The following WDFY3 variants were observed in gnomAD, a reference collection of about 807,000 sequenced individuals.
WDFY3 encodes the protein WD repeat and FYVE domain containing 3.
In WDFY3, 66 loss-of-function variants were observed where a neutral mutation model predicts 409.6. The observed-to-expected ratio is 0.16, with a 90% CI of 0.13 to 0.20. The LOEUF (loss-of-function observed/expected upper bound fraction) is 0.20. Among genes scored for constraint, WDFY3 ranks in the 10% least tolerant of loss-of-function variants. The pLI, the probability that WDFY3 is intolerant of heterozygous loss-of-function variation, is 1.00. For synonymous variants in WDFY3, 1,521 were observed against 1,537.1 expected (o/e 0.99, Z 0.25); for missense variants, 3,031 against 4,298.1 (o/e 0.71, Z 8.24).
Position 84,740,342 on chromosome 4 carries a change from G to C in WDFY3, c.6309C>G (p.Phe2103Leu). 6.2e-7 allele frequency: 1 copy of C among 1,614,056 alleles called. No homozygotes were observed. The highest frequency in any genetic ancestry group is 8.5e-7 in the Non-Finnish European group (1 of 1,180,010). Residue 2103 changes from phenylalanine to leucine, a missense_variant, in exon 39 of 68, where the codon TTC becomes TTG. By Grantham distance (22) the Phe-to-Leu change is conservative. Transcript: ENST00000295888. Reference sequence around the variant, plus strand: ...GAGGAACGGTTTTGTGTGCCCGTGAGAACTGGTACAAGATGGTCCTATTGA... The same window carrying C: ...GAGGAACGGTTTTGTGTGCCCGTGACAACTGGTACAAGATGGTCCTATTGA... ...HCLNRTILYQ[F>L]SRAHKTVPQQ... is the part of the protein sequence containing the mutation.
Position 84,881,868 on chromosome 4 carries a change from G to A in WDFY3, c.-32+15043C>T, listed in dbSNP as rs1032080414. ...TGTACTCCAGCCTGGGTGAGAGAAC[G>A]AGACCCTGTCTCCAAAAAAAAAAAA... On this transcript the variant is annotated intron_variant, in intron 3 of 67. Coordinates refer to ENST00000295888, the MANE Select transcript of WDFY3 (RefSeq NM_014991.6). Among the ~76,000 whole-genome samples, 10 of 150,400 alleles carry A rather than the reference G, an allele frequency of 6.6e-5. No homozygotes were observed. In the South Asian group the frequency reaches 1.0e-3, roughly 16 times the overall value.
chr4:84,686,743 T>C lies in WDFY3; in HGVS notation c.9543+1343A>G, dbSNP rs200426365. On this transcript the variant is annotated intron_variant, in intron 62 of 67. Coordinates refer to ENST00000295888, the MANE Select transcript of WDFY3 (RefSeq NM_014991.6). ...TGTCGACTCCCAAGACGGATTTGTA[T>C]ATGGGGCATCACCTACATGCTGACA... Among the ~76,000 whole-genome samples the C allele has an allele frequency of 7.2e-5, 11 of 152,294 alleles. No individual in the cohort carries two copies. The East Asian group carries it at 1.7e-3, about 24-fold the overall frequency.
chr4:84,705,298 G>T (rs916900171), intron 54 of WDFY3, 96 bp downstream of exon 54: 3 of 877,898 alleles, frequency 3.4e-6, no homozygotes, highest in Non-Finnish European at 5.5e-6. Flanking sequence ...TGATATATAA[G>T]CAATTTGAAG....
intron 2 of WDFY3, among the ~76,000 whole-genome samples, chr4:84,921,899 C>A (rs1769340786): frequency 6.6e-6 from 1 of 151,878 alleles, no homozygotes; most frequent in African/African-American, 2.4e-5. Context: ...TCGTGATCCA[C>A]CTGCCTTGGC....
intron 40 of WDFY3, among the ~76,000 whole-genome samples, chr4:84,738,719 A>G (rs1207982933): frequency 6.6e-6 from 1 of 152,156 alleles, no homozygotes; most frequent in Non-Finnish European, 1.5e-5. Flanking sequence ...ATCATTGGGC[A>G]GTTCTCTTTA....
intron 62 of WDFY3, chr4:84,687,671 C>G (rs1728557851): frequency 6.5e-6 from 1 of 153,036 alleles, no homozygotes; most frequent in Admixed American, 6.5e-5. Context: ...GAGTATCTAT[C>G]AACTTCAAAA....
rs562419035 is a variant in WDFY3, at chr4:84,768,026, T to A, written c.4850-1654A>T. ...GGAGCCCAGGAGGCCGAGGCTGCAG[T>A]GAGCCATGATTGTTCCACTGCACTC... On this transcript the variant is annotated intron_variant, in intron 30 of 67. Transcript: ENST00000295888. Among the ~76,000 whole-genome samples, 3 of 152,256 alleles carry A rather than the reference T, an allele frequency of 2.0e-5. No individual in the cohort carries two copies. In the South Asian group the frequency reaches 6.2e-4, roughly 32 times the overall value.
At chr4:84,766,447 A>C in intron 30 of WDFY3, 75 bp from the exon 31 acceptor site, 2 of 1,391,306 alleles carry the variant, frequency 1.4e-6, no homozygotes, top group Non-Finnish European at 1.9e-6. Context: ...GTTCTTGGAA[A>C]GTTTACTGAA....
intron 7 of WDFY3, among the ~76,000 whole-genome samples, chr4:84,835,351 T>C (rs1198809974): frequency 2.6e-5 from 4 of 152,172 alleles, no homozygotes; most frequent in Non-Finnish European, 5.9e-5. Context: ...GCAGCTATAA[T>C]TCCTATGCGA....
intron 39 of WDFY3, chr4:84,739,376 T>C: frequency 2.7e-6 from 1 of 369,340 alleles, no homozygotes. Context: ...TTGATTATTG[T>C]GAACATTTTT....
At chr4:84,772,601 GA>G (rs1180143654) in intron 30 of WDFY3, among the ~76,000 whole-genome samples, 1 of 151,950 alleles carries the variant, frequency 6.6e-6, no homozygotes, top group Non-Finnish European at 1.5e-5. Context: ...CTAAAAATAG[GA>G]AATATTTTAT....
At chr4:84,878,203 T>C (rs1001204559) in intron 3 of WDFY3, among the ~76,000 whole-genome samples, 1 of 152,088 alleles carries the variant, frequency 6.6e-6, no homozygotes, top group African/African-American at 2.4e-5. Context: ...GGTAAACAGA[T>C]GATGACAAAA....
chr4:84,725,038 A>C (rs1735443949), intron 45 of WDFY3, among the ~76,000 whole-genome samples: 1 of 152,206 alleles, frequency 6.6e-6, no homozygotes, highest in Non-Finnish European at 1.5e-5. Flanking sequence ...CACTCAGAAT[A>C]ATCGGTGTGA....
In WDFY3 at chr4:84,775,128, T is replaced by C; in HGVS notation, c.4529A>G (p.His1510Arg). Reference protein sequence around the residue: ...DLLCDFEVWLHAPYELHLSLF... With the variant: ...DLLCDFEVWLRAPYELHLSLF... ...GGAAAGATGAAGTTCATATGGTGCATGGAGCCAGACCTATAATAAATAAAA... is the reference window on the plus strand; with the variant it reads ...GGAAAGATGAAGTTCATATGGTGCACGGAGCCAGACCTATAATAAATAAAA... The change falls in exon 28 of 68, where the codon CAT (histidine) becomes CGT (arginine). Residue 1510 changes from histidine (H) to arginine (R), a missense_variant. Around this residue, in one of 16 missense-constraint regions of WDFY3, gnomAD observed 342 missense variants for 463.7 expected, o/e 0.74. Coordinates refer to ENST00000295888, the MANE Select transcript of WDFY3 (RefSeq NM_014991.6). 6.2e-7 allele frequency: 1 copy of C among 1,613,150 alleles called. No homozygotes were observed. The highest frequency in any genetic ancestry group is 8.5e-7 in the Non-Finnish European group (1 of 1,179,788).
chr4:84,908,367 C>T (rs1767323124), intron 2 of WDFY3, among the ~76,000 whole-genome samples: 1 of 152,116 alleles, frequency 6.6e-6, no homozygotes, highest in African/African-American at 2.4e-5. Flanking sequence ...TAAATGCCAT[C>T]AATATCTCCA....
chr4:84,819,070 T>C (rs1448113010), intron 12 of WDFY3, among the ~76,000 whole-genome samples: 2 of 152,124 alleles, frequency 1.3e-5, no homozygotes, highest in African/African-American at 2.4e-5. Flanking sequence ...CTAAAATTCA[T>C]CATACTCATT....
intron 61 of WDFY3, among the ~76,000 whole-genome samples, chr4:84,689,908 TA>T (rs1728975924): frequency 6.6e-6 from 1 of 152,182 alleles, no homozygotes; most frequent in South Asian, 2.1e-4. Flanking sequence ...GCTCCTTATT[TA>T]AAAAATACCT....
chr4:84,721,231 G>A (rs1734809280), intron 47 of WDFY3, among the ~76,000 whole-genome samples, 178 bp downstream of exon 47: 1 of 152,126 alleles, frequency 6.6e-6, no homozygotes, highest in Admixed American at 6.5e-5. Context: ...ATGTTTCAGG[G>A]TATGAGAAAA....
intron 3 of WDFY3, among the ~76,000 whole-genome samples, chr4:84,887,203 C>G (rs984807792): frequency 6.6e-6 from 1 of 152,070 alleles, no homozygotes; most frequent in Admixed American, 6.6e-5. Flanking sequence ...CATGTTATAC[C>G]AGGGAAACAC....
Sources: gnomAD v4.1 joint callset for allele counts (sites outside exome capture counted in the v4.1 genomes callset) on GRCh38, gnomAD v4.1.1 for gene constraint, gnomAD v4.1.1 regional missense constraint, MANE v1.5 for transcripts, NCBI Gene and HGNC (gene_info 2026-07-23, HGNC 2026-07-21) for gene names.